Variants in GRK5 observed in about 807,000 individuals in gnomAD.
GRK5 encodes the protein G protein-coupled receptor kinase 5, also known as g protein-coupled receptor kinase GRK5.
A neutral mutation model predicts 78.4 loss-of-function variants in GRK5; 40 were observed. The observed-to-expected ratio is 0.51, with a 90% CI of 0.40 to 0.66. GRK5 has a LOEUF of 0.66. Ranked by LOEUF, GRK5 falls within the 30% of genes least tolerant of loss-of-function variation. GRK5 has a pLI of 0.00. For missense variants in GRK5, 598 were observed against 759.9 expected (o/e 0.79, Z 2.50); for synonymous variants, 289 against 296.8 (o/e 0.97, Z 0.27).
At chr10:119,319,655 TG>T (rs1005957489) in intron 1 of GRK5, among the ~76,000 whole-genome samples, 2 of 152,198 alleles carry the variant, frequency 1.3e-5, no homozygotes, top group African/African-American at 4.8e-5. Flanking sequence ...GAGGATCCTT[TG>T]GGAAAGCAAA....
At chr10:119,392,294 C>G (rs988962050) in intron 3 of GRK5, among the ~76,000 whole-genome samples, 9 of 152,202 alleles carry the variant, frequency 5.9e-5, no homozygotes, top group African/African-American at 2.2e-4. Context: ...CAAAGGCCAC[C>G]CCTGTGTTTG....
At chr10:119,392,079 C>G (rs1851896526) in intron 3 of GRK5, among the ~76,000 whole-genome samples, 1 of 152,170 alleles carries the variant, frequency 6.6e-6, no homozygotes. Flanking sequence ...GGAAATGTGT[C>G]TTCATAGCCA....
chr10:119,327,270 G>A (rs920614754), intron 2 of GRK5, among the ~76,000 whole-genome samples: 17 of 152,188 alleles, frequency 1.1e-4, no homozygotes, highest in African/African-American at 2.7e-4. Context: ...CTGGTCCCAC[G>A]CAGGACACGG....
rs148233160 is a variant in GRK5 at position 119,227,164 on chromosome 10, T to C, written c.52+19195T>C. Among the ~76,000 whole-genome samples the C allele has an allele frequency of 2.8e-3, 424 of 152,304 alleles. 5 individuals are homozygous for C. Among genetic ancestry groups the C allele is most frequent in the African/African-American group, 9.7e-3 (403 of 41,562 alleles). On this transcript the variant is annotated intron_variant, in intron 1 of 15. Coordinates refer to ENST00000392870, the MANE Select transcript of GRK5 (RefSeq NM_005308.3). ...AGCCACCACTACTGGCCTGCCTCTC[T>C]GTATCTTTATCATCACATAGGAATA...
chr10:119,209,499 T>TGG (rs1848449017), intron 1 of GRK5, among the ~76,000 whole-genome samples: 4 of 56,000 alleles, frequency 7.1e-5, no homozygotes, highest in Admixed American at 1.4e-4. Context: ...TTTTTTTTTT[T>TGG]TTTTTTTTTT....
intron 3 of GRK5, 48 bp downstream of exon 3, chr10:119,380,975 T>C (rs760965640): frequency 5.9e-6 from 7 of 1,192,306 alleles, no homozygotes; most frequent in South Asian, 5.0e-5. Context: ...CTGTGATCAG[T>C]GATTGTTTTG....
At chr10:119,344,872 CCCTTCCTTCCTT>C (rs545170705) in intron 2 of GRK5, among the ~76,000 whole-genome samples, 1,387 of 73,700 alleles carry the variant, frequency 0.019, 17 homozygotes, top group Middle Eastern at 0.052. Context: ...ACAAGACCCA[CCCTTCCTTCCTT>C]CCTTCCTTCC....
chr10:119,309,514 C>T (rs1850326732), intron 1 of GRK5, among the ~76,000 whole-genome samples: 1 of 152,240 alleles, frequency 6.6e-6, no homozygotes, highest in Non-Finnish European at 1.5e-5. Context: ...GATCAAGAGT[C>T]AGGGCAGAGT....
chr10:119,389,458 G>T (rs907882999), intron 3 of GRK5, among the ~76,000 whole-genome samples: 1 of 152,200 alleles, frequency 6.6e-6, no homozygotes, highest in African/African-American at 2.4e-5. Flanking sequence ...GCCAGACCCC[G>T]GGAGCAGGGC....
rs376353222 is a variant in GRK5 at position 119,313,250 on chromosome 10, G to A, written c.53-13266G>A. Among the ~76,000 whole-genome samples the A allele has an allele frequency of 3.3e-4, 49 of 148,366 alleles. No individual in the cohort carries two copies. The East Asian group carries it at 6.7e-3, about 20-fold the overall frequency. On this transcript the variant is annotated intron_variant, in intron 1 of 15. Coordinates refer to ENST00000392870, the MANE Select transcript of GRK5 (RefSeq NM_005308.3). ...TAGTGATGATGGTGGTGGTAATGGT[G>A]GTGGTGATGGTGGTGGTAATAGTGG...
intron 2 of GRK5, among the ~76,000 whole-genome samples, chr10:119,376,856 C>T (rs1264062427): frequency 2.0e-5 from 3 of 152,328 alleles, no homozygotes; most frequent in East Asian, 3.9e-4. Context: ...CGTAAGCCAC[C>T]GTGCCTGGCC....
At chr10:119,252,094 C>T (rs1849213170) in intron 1 of GRK5, among the ~76,000 whole-genome samples, 1 of 152,214 alleles carries the variant, frequency 6.6e-6, no homozygotes, top group Non-Finnish European at 1.5e-5. Context: ...TCTCCCTGAC[C>T]ATCCCTCTTG....
intron 6 of GRK5, among the ~76,000 whole-genome samples, chr10:119,427,525 C>T (rs1006388094): frequency 1.5e-4 from 22 of 150,172 alleles, no homozygotes; most frequent in Non-Finnish European, 2.2e-4. Context: ...GCAGCATCAC[C>T]GCCATCATCA....
chr10:119,301,306 G>A (rs992891482), intron 1 of GRK5, among the ~76,000 whole-genome samples: 1 of 152,136 alleles, frequency 6.6e-6, no homozygotes, highest in Non-Finnish European at 1.5e-5. Flanking sequence ...CTGAACTCTG[G>A]GTGAAAGGAG....
intron 2 of GRK5, 37 bp from the exon 3 acceptor site, chr10:119,380,778 C>A: frequency 7.3e-7 from 1 of 1,362,092 alleles, no homozygotes; most frequent in South Asian, 1.2e-5. Flanking sequence ...CTGGCCTTCT[C>A]CTGGGTCTCA....
intron 8 of GRK5, among the ~76,000 whole-genome samples, chr10:119,434,340 A>G (rs1440343839): frequency 6.6e-6 from 1 of 152,250 alleles, no homozygotes; most frequent in Non-Finnish European, 1.5e-5. Flanking sequence ...TACATAGTCC[A>G]AAGTCCCATC....
intron 1 of GRK5, among the ~76,000 whole-genome samples, chr10:119,235,033 GAC>G (rs879617869): frequency 2.6e-5 from 4 of 152,008 alleles, no homozygotes; most frequent in Non-Finnish European, 5.9e-5. Flanking sequence ...GGAGTGCAGT[GAC>G]ACCATCTCAG....
chr10:119,342,085 T>C (rs1850992764), intron 2 of GRK5, among the ~76,000 whole-genome samples: 1 of 520 alleles, frequency 1.9e-3, no homozygotes, highest in Admixed American at 0.036. Context: ...GGAGTTCGAC[T>C]GGTCAGGCGA....
intron 3 of GRK5, among the ~76,000 whole-genome samples, chr10:119,394,217 TACGTGTGGGTGTGGGTGTGTGG>T: frequency 1.3e-5 from 1 of 76,628 alleles, no homozygotes; most frequent in Non-Finnish European, 2.8e-5. Flanking sequence ...TGTGTGTGGG[TACGTGTGGGTGTGGGTGTGTGG>T]GTGTCTGTGT....
Sources: allele counts gnomAD v4.1 joint callset (sites outside exome capture counted in the v4.1 genomes callset), GRCh38; gene constraint gnomAD v4.1.1; transcripts MANE v1.5; gene names NCBI Gene and HGNC (gene_info 2026-07-23, HGNC 2026-07-21).